TAB2: variants seen among roughly 807,000 people sequenced by gnomAD.
TAB2 encodes TGF-beta activated kinase 1 (MAP3K7) binding protein 2.
TAB2 carries 3 observed loss-of-function variants against 65.0 expected under a neutral mutation model. The observed-to-expected ratio is 0.05, with a 90% CI of 0.02 to 0.12. TAB2 has a LOEUF of 0.12. TAB2 is among the 10% of genes least tolerant of loss of function. TAB2 has a pLI of 1.00. For missense variants in TAB2, 623 were observed against 840.3 expected (o/e 0.74, Z 3.20); for synonymous variants, 298 against 285.1 (o/e 1.05, Z -0.46).
chr6:149,363,813 T>G (rs937303315), intron 1 of TAB2, among the ~76,000 whole-genome samples: 14 of 152,116 alleles, frequency 9.2e-5, no homozygotes, highest in Admixed American at 4.6e-4. Flanking sequence ...ATATCACAAC[T>G]CCCTGTATGA....
In TAB2 at chr6:149,305,146, G is replaced by C. The variant is rs149319921; in HGVS notation, c.-120-72872G>C. Among the ~76,000 whole-genome samples the C allele has an allele frequency of 7.9e-3, 1,208 of 152,256 alleles. 27 individuals are homozygous for C. Among genetic ancestry groups the C allele is most frequent in the African/African-American group, 0.027 (1,117 of 41,540 alleles). On this transcript the variant is annotated intron_variant, in intron 1 of 1. Coordinates refer to the TAB2 transcript ENST00000606202. ...TGGATGTGGAACCCACAGATACAGA[G>C]AGCCGACTGTACTGCGGTCTTTCCA...
At chr6:149,280,410 A>G (rs981981844) in intron 1 of TAB2, among the ~76,000 whole-genome samples, 2 of 152,142 alleles carry the variant, frequency 1.3e-5, no homozygotes, top group African/African-American at 4.8e-5. Context: ...TTAGGAGCCC[A>G]TTTATTTCAA....
chr6:149,248,424 A>AAGGAAGGAAGGAAGG (rs1554253863), intron 1 of TAB2, among the ~76,000 whole-genome samples: 22 of 31,054 alleles, frequency 7.1e-4, no homozygotes, highest in Non-Finnish European at 1.2e-3. Context: ...AAAGAAAAAG[A>AAGGAAGGAAGGAAGG]AAGAAAGGAA....
intron 1 of TAB2, among the ~76,000 whole-genome samples, chr6:149,248,285 G>A (rs545144778): frequency 5.3e-5 from 8 of 152,016 alleles, no homozygotes; most frequent in Non-Finnish European, 8.8e-5. Context: ...CCAACTACTT[G>A]GGAGGCTGAG....
At chr6:149,405,848 G>A (rs574467490) in intron 6 of TAB2, among the ~76,000 whole-genome samples, 233 of 152,212 alleles carry the variant, frequency 1.5e-3, no homozygotes, top group Non-Finnish European at 2.8e-3. Context: ...GTAGTTAACA[G>A]TAGTTTATTA....
intron 3 of TAB2, among the ~76,000 whole-genome samples, chr6:149,385,420 G>A (rs1452568563): frequency 1.3e-5 from 2 of 152,162 alleles, no homozygotes; most frequent in African/African-American, 2.4e-5. Context: ...CGAGCTACTC[G>A]GGAGTCTGAG....
rs1323947479 is a variant in TAB2 at position 149,409,921 on chromosome 6, A to T, written c.*202A>T. The T allele has an allele frequency of 7.9e-6, 5 of 636,406 alleles. No homozygotes were observed. Among genetic ancestry groups the T allele is most frequent in the African/African-American group, 1.8e-5 (1 of 54,712 alleles). 39.4% of individuals were successfully genotyped at this position (636,406 alleles called of 1,614,324 possible). ...ATGAGCAGTTGAAATTCATCACATG[A>T]AAAGTAATCTGCTGAAAGACTTGGT... On this transcript the variant is annotated 3_prime_UTR_variant, in exon 7 of 7. Coordinates refer to ENST00000637181, the MANE Select transcript of TAB2 (RefSeq NM_001292034.3).
intron 1 of TAB2, among the ~76,000 whole-genome samples, chr6:149,291,176 AT>A (rs759211043): frequency 2.6e-5 from 4 of 152,242 alleles, no homozygotes; most frequent in African/African-American, 4.8e-5. Flanking sequence ...ATTTGGAATG[AT>A]TGGGGAGAAC....
intron 1 of TAB2, among the ~76,000 whole-genome samples, chr6:149,345,838 T>C (rs1483254347): frequency 6.6e-6 from 1 of 152,222 alleles, no homozygotes; most frequent in Non-Finnish European, 1.5e-5. Context: ...TGATTTTTTT[T>C]CAGTCAATAA....
intron 6 of TAB2, 138 bp downstream of exon 6, chr6:149,399,322 T>C: frequency 2.9e-6 from 2 of 694,266 alleles, no homozygotes; most frequent in East Asian, 2.7e-5. Flanking sequence ...AGAAGATGTT[T>C]GCTTATTTTC....
At chr6:149,282,176 T>C (rs1202210528) in intron 1 of TAB2, among the ~76,000 whole-genome samples, 1 of 148,750 alleles carries the variant, frequency 6.7e-6, no homozygotes, top group Non-Finnish European at 1.5e-5. Context: ...AAAAAAAAAA[T>C]GTCATTTTAT....
At chr6:149,361,535 G>A (rs1475110604) in intron 1 of TAB2, among the ~76,000 whole-genome samples, 1 of 152,144 alleles carries the variant, frequency 6.6e-6, no homozygotes, top group African/African-American at 2.4e-5. Context: ...TGATGGGAGG[G>A]GCTGCTGCAA....
Position 149,375,549 on chromosome 6 carries a change from C to G in TAB2, c.103-2469C>G, listed in dbSNP as rs566301943. ...AGGAAGGCTAAATATGAGTATCAAGCTTTTACAAAGGAAATGTGGAATTGG... is the reference window on the plus strand; with the variant it reads ...AGGAAGGCTAAATATGAGTATCAAGGTTTTACAAAGGAAATGTGGAATTGG... On this transcript the variant is annotated intron_variant, in intron 2 of 6. Coordinates refer to ENST00000637181, the MANE Select transcript of TAB2 (RefSeq NM_001292034.3). 1.2e-3 allele frequency among the ~76,000 whole-genome samples: 180 copies of G among 152,034 alleles called. 1 individual carries two copies. Among genetic ancestry groups the G allele is most frequent in the Middle Eastern group, 6.8e-3 (2 of 294 alleles).
chr6:149,403,361 C>T (rs1317211355), intron 6 of TAB2, among the ~76,000 whole-genome samples: 5 of 141,912 alleles, frequency 3.5e-5, no homozygotes, highest in African/African-American at 1.1e-4. Context: ...CACACACACA[C>T]ACACACACAC....
intron 1 of TAB2, chr6:149,346,390 GAATC>G (rs1324773844): frequency 6.7e-6 from 1 of 149,342 alleles, no homozygotes; most frequent in Non-Finnish European, 1.5e-5. Flanking sequence ...TGAACAGGAA[GAATC>G]ATGGGACCAA....
intron 1 of TAB2, among the ~76,000 whole-genome samples, chr6:149,334,230 T>C (rs1413047028): frequency 6.6e-6 from 1 of 152,202 alleles, no homozygotes; most frequent in Non-Finnish European, 1.5e-5. Context: ...CTCCTCTCTC[T>C]TACCTTTTTT....
chr6:149,321,721 A>G (rs144692842), intron 1 of TAB2, among the ~76,000 whole-genome samples: 19 of 152,322 alleles, frequency 1.2e-4, no homozygotes, highest in African/African-American at 4.6e-4. Context: ...AGGAGTGAGC[A>G]GAGTGAGAAG....
intron 6 of TAB2, chr6:149,401,207 A>AT (rs1163401947): frequency 6.0e-6 from 1 of 166,972 alleles, no homozygotes; most frequent in Non-Finnish European, 1.5e-5. Flanking sequence ...TAAAAAAAAA[A>AT]GAAAGAATCC....
chr6:149,343,590 T>C (rs1780199791), intron 1 of TAB2, among the ~76,000 whole-genome samples: 2 of 152,198 alleles, frequency 1.3e-5, no homozygotes, highest in Admixed American at 6.5e-5. Context: ...GTTATATTTT[T>C]AAACTAAGTG....
Sources: gnomAD v4.1 joint callset for allele counts (sites outside exome capture counted in the v4.1 genomes callset) on GRCh38, gnomAD v4.1.1 for gene constraint, MANE v1.5 for transcripts, NCBI Gene and HGNC (gene_info 2026-07-23, HGNC 2026-07-21) for gene names.